The following FBXL7 variants were observed in gnomAD, a reference collection of about 807,000 sequenced individuals.
FBXL7 encodes F-box and leucine rich repeat protein 7.
A neutral mutation model predicts 38.3 loss-of-function variants in FBXL7; 12 were observed. The observed-to-expected ratio is 0.31, with a 90% CI of 0.20 to 0.51. The LOEUF (loss-of-function observed/expected upper bound fraction) is 0.51. Among genes scored for constraint, FBXL7 ranks in the 20% least tolerant of loss-of-function variants. FBXL7 has a pLI of 0.98. For synonymous variants in FBXL7, 297 were observed against 300.9 expected (o/e 0.99, Z 0.13); for missense variants, 567 against 676.4 (o/e 0.84, Z 1.79).
intron 2 of FBXL7, among the ~76,000 whole-genome samples, chr5:15,756,772 G>A (rs896682406): frequency 4.0e-4 from 41 of 101,578 alleles, no homozygotes; most frequent in African/African-American, 1.2e-3. Context: ...ATTAGGTTCC[G>A]TCTGCTTTGT....
At chr5:15,761,261 T>G (rs1324035888) in intron 2 of FBXL7, among the ~76,000 whole-genome samples, 4 of 152,188 alleles carry the variant, frequency 2.6e-5, no homozygotes, top group Non-Finnish European at 5.9e-5. Context: ...TCCTTTTTCC[T>G]CTCTTTAAAA....
In FBXL7 at chr5:15,517,164, C is replaced by A. The variant is rs555705997; in HGVS notation, c.37+16451C>A. Among the ~76,000 whole-genome samples, 6 of 152,146 alleles carry A rather than the reference C, an allele frequency of 3.9e-5. No homozygotes were observed. In the South Asian group the frequency reaches 1.2e-3, roughly 32 times the overall value. Reference sequence around the variant, plus strand: ...GCCTCAGCCTCCAGAGTAGCTGGGACCACAGTCGCCCGCCACCATGTCCGG... The same window carrying A: ...GCCTCAGCCTCCAGAGTAGCTGGGAACACAGTCGCCCGCCACCATGTCCGG... On this transcript the variant is annotated intron_variant, in intron 1 of 3. Coordinates refer to ENST00000504595, the MANE Select transcript of FBXL7 (RefSeq NM_012304.5).
intron 1 of FBXL7, among the ~76,000 whole-genome samples, chr5:15,529,390 CTTT>C: frequency 6.9e-6 from 1 of 144,604 alleles, no homozygotes. Flanking sequence ...AACCTAACTT[CTTT>C]TTTTTTTTTT....
intron 1 of FBXL7, among the ~76,000 whole-genome samples, chr5:15,577,995 G>A (rs1739024423): frequency 6.6e-6 from 1 of 152,090 alleles, no homozygotes; most frequent in East Asian, 1.9e-4. Context: ...TTTGTTCTTT[G>A]GATTCTGGGT....
At chr5:15,742,411 G>A (rs1412057956) in intron 2 of FBXL7, among the ~76,000 whole-genome samples, 2 of 152,174 alleles carry the variant, frequency 1.3e-5, no homozygotes, top group Non-Finnish European at 2.9e-5. Context: ...TGTTTGGAAA[G>A]GCAGCTGAAG....
At chr5:15,923,063 A>G (rs1236640658) in intron 2 of FBXL7, among the ~76,000 whole-genome samples, 1 of 152,234 alleles carries the variant, frequency 6.6e-6, no homozygotes, top group Non-Finnish European at 1.5e-5. Flanking sequence ...TTGTATTGCA[A>G]TGTCGTAAGA....
At chr5:15,847,427 C>T (rs911968498) in intron 2 of FBXL7, among the ~76,000 whole-genome samples, 2 of 152,152 alleles carry the variant, frequency 1.3e-5, no homozygotes, top group Admixed American at 6.5e-5. Context: ...GATTTGATTA[C>T]CTTTCACTGG....
At chr5:15,915,798 T>C (rs35887344) in intron 2 of FBXL7, among the ~76,000 whole-genome samples, 42,482 of 152,004 alleles carry the variant, frequency 0.28, 6,301 homozygotes, top group Admixed American at 0.4. Context: ...GAAGGAAGAC[T>C]AGAATCAGGA....
intron 2 of FBXL7, among the ~76,000 whole-genome samples, chr5:15,902,300 G>T (rs1305024362): frequency 2.0e-5 from 3 of 152,172 alleles, no homozygotes; most frequent in Admixed American, 2.0e-4. Flanking sequence ...AAGCCCTAGA[G>T]TTCTTCCTGT....
intron 2 of FBXL7, among the ~76,000 whole-genome samples, chr5:15,847,954 GC>G (rs1282213459): frequency 6.6e-6 from 1 of 152,170 alleles, no homozygotes; most frequent in East Asian, 1.9e-4. Context: ...GGGACGCTTA[GC>G]ACTGGAGAGG....
At chr5:15,762,750 G>C (rs1000282182) in intron 2 of FBXL7, among the ~76,000 whole-genome samples, 1 of 152,180 alleles carries the variant, frequency 6.6e-6, no homozygotes, top group Admixed American at 6.5e-5. Flanking sequence ...ATGCTGAAAG[G>C]CTTATAAACT....
intron 2 of FBXL7, among the ~76,000 whole-genome samples, chr5:15,875,045 A>G (rs563951562): frequency 6.6e-6 from 1 of 152,226 alleles, no homozygotes; most frequent in South Asian, 2.1e-4. Flanking sequence ...AAAACAGCAT[A>G]GTACTGGTAC....
chr5:15,680,758 T>C (rs751231520), intron 2 of FBXL7, among the ~76,000 whole-genome samples: 5 of 152,216 alleles, frequency 3.3e-5, no homozygotes, highest in Non-Finnish European at 5.9e-5. Flanking sequence ...CAATGTATTA[T>C]GTTGTTCAAT....
intron 2 of FBXL7, among the ~76,000 whole-genome samples, chr5:15,845,521 CTAAA>C (rs1175834956): frequency 6.6e-6 from 1 of 151,478 alleles, no homozygotes; most frequent in African/African-American, 2.4e-5. Context: ...GCTCATATTG[CTAAA>C]TAAATATCTG....
chr5:15,571,092 T>TAAA (rs397996852), intron 1 of FBXL7, among the ~76,000 whole-genome samples: 1 of 129,276 alleles, frequency 7.7e-6, no homozygotes, highest in Non-Finnish European at 1.6e-5. Flanking sequence ...ATTCTGTCTT[T>TAAA]AAAAAAAAAA....
At chr5:15,838,329 T>G (rs1738646138) in intron 2 of FBXL7, among the ~76,000 whole-genome samples, 1 of 152,154 alleles carries the variant, frequency 6.6e-6, no homozygotes, top group African/African-American at 2.4e-5. Context: ...GCTCAATTCC[T>G]CATAGATGGC....
intron 1 of FBXL7, among the ~76,000 whole-genome samples, chr5:15,594,525 C>G (rs1025010397): frequency 6.6e-6 from 1 of 152,180 alleles, no homozygotes; most frequent in Admixed American, 6.5e-5. Flanking sequence ...GGGCTAGAAA[C>G]AGGAGCATGA....
intron 1 of FBXL7, among the ~76,000 whole-genome samples, chr5:15,551,188 T>TAGG (rs1263381776): frequency 1.3e-5 from 2 of 152,214 alleles, no homozygotes; most frequent in Non-Finnish European, 2.9e-5. Flanking sequence ...ACTGCCTGTG[T>TAGG]AGGCCCCTGT....
At chr5:15,529,255 C>G (rs1737348559) in intron 1 of FBXL7, among the ~76,000 whole-genome samples, 1 of 152,182 alleles carries the variant, frequency 6.6e-6, no homozygotes, top group Non-Finnish European at 1.5e-5. Flanking sequence ...GGATTGCATT[C>G]TTTTGAAAGG....
Sources: allele counts gnomAD v4.1 joint callset (sites outside exome capture counted in the v4.1 genomes callset), GRCh38; gene constraint gnomAD v4.1.1; transcripts MANE v1.5; gene names NCBI Gene and HGNC (gene_info 2026-07-23, HGNC 2026-07-21).